The following TMPRSS13 variants were observed in gnomAD, a reference collection of about 807,000 sequenced individuals.
TMPRSS13 encodes transmembrane protease serine 13.
TMPRSS13 carries 50 observed loss-of-function variants against 68.4 expected under a neutral mutation model. The ratio of observed to expected loss-of-function variants is 0.73; its 90% CI spans 0.58 to 0.93. TMPRSS13 has a LOEUF of 0.93. TMPRSS13 is among the 40% of genes least tolerant of loss of function. The pLI is 0.00. For missense variants in TMPRSS13, 615 were observed against 729.2 expected (o/e 0.84, Z 1.80); for synonymous variants, 267 against 285.8 (o/e 0.93, Z 0.66).
intron 5 of TMPRSS13, among the ~76,000 whole-genome samples, chr11:117,912,652 C>A (rs990199640): frequency 1.3e-5 from 2 of 152,224 alleles, no homozygotes; most frequent in Non-Finnish European, 2.9e-5. Flanking sequence ...ATTCTCTGCT[C>A]TCTCCACCAG....
rs149278557 is a variant in TMPRSS13 at position 117,915,126 on chromosome 11, T to C, written c.557-612A>G. Among the ~76,000 whole-genome samples the C allele has an allele frequency of 8.0e-4, 122 of 152,302 alleles. No homozygotes were observed. Among genetic ancestry groups the C allele is most frequent in the Non-Finnish European group, 1.3e-3 (90 of 68,030 alleles). ...AATGTCTTTTCAATCAACCAGCAAT[T>C]CTAGGTGGCTGATTCCCACATATAC... On this transcript the variant is annotated intron_variant, in intron 3 of 12. Transcript: ENST00000524993. This position sits in a 1 kb window ranked among gnomAD's most constrained non-coding sequence, Gnocchi z 4.9.
In TMPRSS13 at chr11:117,911,797, G is replaced by C. The variant is rs1238443425; in HGVS notation, c.873C>G (p.Tyr291Ter). ...GGAGGCTTTCCTGGATGGTGGAGTT[G>C]TATCTCAAGATTGAGAAGCTGTTGG... The part of the protein sequence containing the change: ...DFANSFSILR[Y>*]NSTIQESLHR... Residue 291 changes from tyrosine to a stop codon, truncating the protein, a stop_gained, in exon 6 of 13, where the codon TAC (tyrosine) becomes TAG (stop). Transcript: ENST00000524993. LOFTEE classifies it high-confidence loss of function. The C allele has an allele frequency of 6.2e-7, 1 of 1,613,964 alleles. No homozygotes were observed. Among genetic ancestry groups the C allele is most frequent in the Non-Finnish European group, 8.5e-7 (1 of 1,180,000 alleles).
In TMPRSS13 at chr11:117,913,782, G is replaced by A. The variant is rs764662638; in HGVS notation, c.804C>T (p.Phe268=). The change falls in exon 5 of 13, where the codon TTC becomes TTT. Residue 268 remains phenylalanine (F), a synonymous_variant. Coordinates refer to ENST00000524993, the MANE Select transcript of TMPRSS13 (RefSeq NM_001077263.3). ...YSEKTCQQLG[F]ESAHRTTEVA... is the part of the protein sequence containing the mutation. ...GGGGCCAGGTTGGGGGTTACCTCTC[G>A]AAACCCAGCTGCTGGCAGGTCTTCT... 1.9e-5 allele frequency: 31 copies of A among 1,613,886 alleles called. No homozygotes were observed. Among genetic ancestry groups the A allele is most frequent in the Middle Eastern group, 1.6e-4 (1 of 6,078 alleles).
chr11:117,904,965 C>T (rs2057449325), intron 10 of TMPRSS13, among the ~76,000 whole-genome samples: 1 of 148,608 alleles, frequency 6.7e-6, no homozygotes, highest in Non-Finnish European at 1.5e-5. Context: ...ATGATCATGG[C>T]TCACTGTAGC....
Position 117,915,056 on chromosome 11 carries a change from C to G in TMPRSS13, c.557-542G>C, listed in dbSNP as rs1477976437. Among the ~76,000 whole-genome samples the G allele has an allele frequency of 1.3e-5, 2 of 152,210 alleles. No individual in the cohort carries two copies. The highest frequency in any genetic ancestry group is 4.8e-5 in the African/African-American group (2 of 41,454). ...CTCCCTCTCCCCTGCGCAAGGGACA[C>G]CTCTATGCTCAGTTCTTTCCCCATG... On this transcript the variant is annotated intron_variant, in intron 3 of 12. Coordinates refer to ENST00000524993, the MANE Select transcript of TMPRSS13 (RefSeq NM_001077263.3). This position sits in a 1 kb window ranked among gnomAD's most constrained non-coding sequence, Gnocchi z 4.9.
At chr11:117,908,867 G>C in intron 8 of TMPRSS13, 83 bp from the exon 9 acceptor site, 1 of 1,370,674 alleles carries the variant, frequency 7.3e-7, no homozygotes, top group South Asian at 1.4e-5. Context: ...GGGAGCCACA[G>C]TCAGAGCACC....
At chr11:117,926,162 C>T (rs1257169439) in intron 1 of TMPRSS13, among the ~76,000 whole-genome samples, 3 of 136,112 alleles carry the variant, frequency 2.2e-5, no homozygotes, top group Non-Finnish European at 3.1e-5. Flanking sequence ...GAGGTGAGGG[C>T]TACACACCTG....
At chr11:117,929,179 T>C in intron 1 of TMPRSS13, 108 bp downstream of exon 1, 1 of 890,208 alleles carries the variant, frequency 1.1e-6, no homozygotes, top group Non-Finnish European at 1.6e-6. Flanking sequence ...CACAGCCAGT[T>C]TCCCCCAAAC....
At chr11:117,918,052 C>G (rs1174506950) in intron 2 of TMPRSS13, among the ~76,000 whole-genome samples, 1 of 152,140 alleles carries the variant, frequency 6.6e-6, no homozygotes, top group African/African-American at 2.4e-5. Context: ...CAGACCCCAG[C>G]TTCTTAGGCA....
chr11:117,903,260 G>A (rs2057425981), intron 12 of TMPRSS13: 1 of 1,298,120 alleles, frequency 7.7e-7, no homozygotes, highest in Non-Finnish European at 1.0e-6. Context: ...AAACAGAGCT[G>A]GGAAAGGCCA....
At position 117,905,746 on chromosome 11, in the gene TMPRSS13, G is replaced by A. The variant is rs1702999617; in HGVS notation, c.1283-10C>T. 6.3e-7 allele frequency: 1 copy of A among 1,586,178 alleles called. No homozygotes were observed. The highest frequency in any genetic ancestry group is 1.3e-5 in the African/African-American group (1 of 74,656). Reference sequence around the variant, plus strand: ...GCAGGGTGGATGTGAGCTGCAACAAGACCTCCAGACGTCAGTGAAGGAACA... The same window carrying A: ...GCAGGGTGGATGTGAGCTGCAACAAAACCTCCAGACGTCAGTGAAGGAACA... On this transcript the variant is annotated splice_polypyrimidine_tract_variant and intron_variant, in intron 9 of 12. Coordinates refer to ENST00000524993, the MANE Select transcript of TMPRSS13 (RefSeq NM_001077263.3).
chr11:117,918,472 C>T lies in TMPRSS13; in HGVS notation c.388G>A (p.Val130Ile). ...YLVRATPVGAVPIRSSPARSA... is the reference protein window; with the variant it reads ...YLVRATPVGAIPIRSSPARSA... ...CTGGCAGGAGATGATCGGATGGGTA[C>T]AGCCCCCACTGGTGTTGCTCTAACA... Residue 130 changes from valine (V) to isoleucine (I), a missense_variant, in exon 2 of 13, where the codon GTA (valine) becomes ATA (isoleucine). By Grantham distance (29) the Val-to-Ile change is conservative. Transcript: ENST00000524993. 6.2e-7 allele frequency: 1 copy of T among 1,614,172 alleles called. No homozygotes were observed. Among genetic ancestry groups the T allele is most frequent in the Non-Finnish European group, 8.5e-7 (1 of 1,180,032 alleles).
chr11:117,906,046 TGAGGGTCTCTCCCTACTGA>T (rs1242770108), intron 9 of TMPRSS13, among the ~76,000 whole-genome samples: 1 of 152,260 alleles, frequency 6.6e-6, no homozygotes, highest in African/African-American at 2.4e-5. Flanking sequence ...ACTGGGCAGC[TGAGGGTCTCTCCCTACTGA>T]GAGGGTCTCT....
In TMPRSS13 at chr11:117,915,897, C is replaced by A. The variant is rs534251851; in HGVS notation, c.556+1273G>T. ...CAGCAAGTCACAGCAGGCACCATGC[C>A]GAGGCCTTTATGTGCATTATGACAA... On this transcript the variant is annotated intron_variant, in intron 3 of 12. Coordinates refer to ENST00000524993, the MANE Select transcript of TMPRSS13 (RefSeq NM_001077263.3). The surrounding 1 kb of genome is among the most constrained non-coding windows in gnomAD (Gnocchi z 4.9). 2.0e-5 allele frequency among the ~76,000 whole-genome samples: 3 copies of A among 152,190 alleles called. No individual in the cohort carries two copies. The highest frequency in any genetic ancestry group is 4.4e-5 in the Non-Finnish European group (3 of 68,024).
chr11:117,909,120 G>T (rs970636462), intron 8 of TMPRSS13, among the ~76,000 whole-genome samples: 1 of 152,150 alleles, frequency 6.6e-6, no homozygotes, highest in Non-Finnish European at 1.5e-5. Context: ...AAACTCTGGG[G>T]CCTCGATATG....
rs551832200 is a variant in TMPRSS13, at chr11:117,915,729, A to G, written c.557-1215T>C. On this transcript the variant is annotated intron_variant, in intron 3 of 12. Coordinates refer to ENST00000524993, the MANE Select transcript of TMPRSS13 (RefSeq NM_001077263.3). This position sits in a 1 kb window ranked among gnomAD's most constrained non-coding sequence, Gnocchi z 4.9. ...CCCTGGCAGAGCTTTTGGGAACTTC[A>G]GGAAATGCTGTGAAACCACGCTGAG... is the stretch of plus-strand genomic sequence containing the variant. Among the ~76,000 whole-genome samples the G allele has an allele frequency of 1.3e-5, 2 of 152,326 alleles. No homozygotes were observed. Among genetic ancestry groups the G allele is most frequent in the African/African-American group, 4.8e-5 (2 of 41,576 alleles).
In TMPRSS13 at chr11:117,903,643, C is replaced by A. The variant is rs750066248; in HGVS notation, c.1677+12G>T. ...GCCTGCTGGGTGCAGTGTCCTGCTGCAGGGATCTTACCTCCATCTTGCTGT... is the reference window on the plus strand; with the variant it reads ...GCCTGCTGGGTGCAGTGTCCTGCTGAAGGGATCTTACCTCCATCTTGCTGT... On this transcript the variant is annotated intron_variant, in intron 12 of 12. Transcript: ENST00000524993. The A allele has an allele frequency of 6.2e-7, 1 of 1,614,146 alleles. No homozygotes were observed. Among genetic ancestry groups the A allele is most frequent in the South Asian group, 1.1e-5 (1 of 91,054 alleles).
At position 117,914,553 on chromosome 11, in the gene TMPRSS13, C is replaced by T. The variant is rs779508949; in HGVS notation, c.557-39G>A. 2.7e-5 allele frequency: 43 copies of T among 1,610,820 alleles called. No individual in the cohort carries two copies. The highest frequency in any genetic ancestry group is 3.6e-5 in the Non-Finnish European group (42 of 1,179,578). ...AGCAGACAGCTGGGTCATGGCCAGC[C>T]CCACTGAGATGAGACACTGAGCAGC... is the stretch of plus-strand genomic sequence containing the variant. On this transcript the variant is annotated intron_variant, in intron 3 of 12. Transcript: ENST00000524993. This position sits in a 1 kb window ranked among gnomAD's most constrained non-coding sequence, Gnocchi z 4.2.
chr11:117,909,047 C>G (rs2057493637), intron 8 of TMPRSS13, among the ~76,000 whole-genome samples: 1 of 152,136 alleles, frequency 6.6e-6, no homozygotes. Context: ...GGCACTCCCC[C>G]CCCACTATCT....
Sources: allele counts gnomAD v4.1 joint callset (sites outside exome capture counted in the v4.1 genomes callset), GRCh38; gene constraint gnomAD v4.1.1; non-coding constraint Gnocchi (gnomAD v3.1); transcripts MANE v1.5; gene names NCBI Gene and HGNC (gene_info 2026-07-23, HGNC 2026-07-21).